Variants in CARMIL1 observed in about 807,000 individuals in gnomAD.
CARMIL1 encodes the protein F-actin-uncapping protein LRRC16A.
CARMIL1 carries 90 observed loss-of-function variants against 177.1 expected under a neutral mutation model. That is an observed-to-expected ratio of 0.51 (90% CI 0.43 to 0.61). The LOEUF (loss-of-function observed/expected upper bound fraction) is 0.61, where lower values mean the gene tolerates loss of function less well. CARMIL1 is among the 20% of genes least tolerant of loss of function. The probability of loss-of-function intolerance (pLI) is 0.00; values close to 1 mark genes in which losing one functional copy is unlikely to be tolerated. For missense variants in CARMIL1, 1,380 were observed against 1,667.0 expected (o/e 0.83, Z 3.00); for synonymous variants, 577 against 606.2 (o/e 0.95, Z 0.71).
At chr6:25,574,900 T>C (rs1812446237) in intron 29 of CARMIL1, among the ~76,000 whole-genome samples, 1 of 152,200 alleles carries the variant, frequency 6.6e-6, no homozygotes, top group Non-Finnish European at 1.5e-5. Flanking sequence ...TCCTTAATAC[T>C]CTCTCTTTGG....
intron 3 of CARMIL1, among the ~76,000 whole-genome samples, chr6:25,423,195 C>A (rs1796000471): frequency 6.6e-6 from 1 of 152,174 alleles, no homozygotes; most frequent in South Asian, 2.1e-4. Context: ...TCTTTGGAAG[C>A]TGATTAATTA....
At chr6:25,359,111 T>C (rs1788926477) in intron 2 of CARMIL1, among the ~76,000 whole-genome samples, 1 of 152,196 alleles carries the variant, frequency 6.6e-6, no homozygotes, top group Non-Finnish European at 1.5e-5. Context: ...CACAGGCTTC[T>C]TGGGTGCTAC....
intron 8 of CARMIL1, among the ~76,000 whole-genome samples, chr6:25,454,162 G>C (rs1799256167): frequency 6.6e-6 from 1 of 152,186 alleles, no homozygotes; most frequent in Non-Finnish European, 1.5e-5. Flanking sequence ...TGAATTAGTG[G>C]GGTAGACCCA....
At chr6:25,305,272 T>G (rs1783175508) in intron 2 of CARMIL1, among the ~76,000 whole-genome samples, 1 of 152,162 alleles carries the variant, frequency 6.6e-6, no homozygotes. Context: ...GTTAATAGTG[T>G]GGGGCTGAAA....
At chr6:25,373,589 C>CTT (rs200205287) in intron 2 of CARMIL1, among the ~76,000 whole-genome samples, 5,777 of 141,310 alleles carry the variant, frequency 0.041, 260 homozygotes, top group East Asian at 0.13. Flanking sequence ...CTCTCTCTCT[C>CTT]TTTTTTTTTT....
At chr6:25,590,523 T>C (rs959655823) in intron 31 of CARMIL1, among the ~76,000 whole-genome samples, 3 of 152,176 alleles carry the variant, frequency 2.0e-5, no homozygotes, top group African/African-American at 7.2e-5. Context: ...CTTTCTTTTC[T>C]CCTATTCTCT....
chr6:25,343,522 TC>T (rs1173214720), intron 2 of CARMIL1, among the ~76,000 whole-genome samples: 1 of 152,060 alleles, frequency 6.6e-6, no homozygotes, highest in African/African-American at 2.4e-5. Context: ...TACTTGACCC[TC>T]AGAAGCAATC....
At chr6:25,319,115 C>T (rs1784494790) in intron 2 of CARMIL1, among the ~76,000 whole-genome samples, 1 of 152,224 alleles carries the variant, frequency 6.6e-6, no homozygotes, top group Middle Eastern at 3.4e-3. Context: ...TGAGGATAGA[C>T]TGTTCTTAAA....
At position 25,449,976 on chromosome 6, in the gene CARMIL1, G is replaced by A. The variant is rs1024848147; in HGVS notation, c.450G>A (p.Val150=). 2 of 1,610,668 alleles carry A rather than the reference G, an allele frequency of 1.2e-6. No individual in the cohort carries two copies. The highest frequency in any genetic ancestry group is 2.7e-5 in the African/African-American group (2 of 74,750). ...AGGCGCTGTGGGACAGCCAGACCGT[G>A]GCTGAGCAGGGCCCCTGTGGTGAGC... ...SLQALWDSQT[V]AEQGPCGGFS... is the part of the protein sequence containing the mutation. Residue 150 remains valine (V), a synonymous_variant, in exon 6 of 37, where the codon GTG becomes GTA. Transcript: ENST00000329474.
intron 2 of CARMIL1, among the ~76,000 whole-genome samples, chr6:25,338,005 A>G (rs1786454234): frequency 6.6e-6 from 1 of 152,076 alleles, no homozygotes; most frequent in Non-Finnish European, 1.5e-5. Flanking sequence ...CCCTTCTTCC[A>G]TAGCACTTTG....
chr6:25,424,432 T>TGGCC (rs967452192), intron 3 of CARMIL1, among the ~76,000 whole-genome samples: 16 of 152,110 alleles, frequency 1.1e-4, no homozygotes, highest in African/African-American at 3.9e-4. Context: ...TGACCAAAGG[T>TGGCC]GGCCATTCCT....
At chr6:25,422,291 A>T (rs1280653595) in intron 3 of CARMIL1, among the ~76,000 whole-genome samples, 2 of 152,168 alleles carry the variant, frequency 1.3e-5, no homozygotes, top group East Asian at 3.9e-4. Context: ...AAAATTTAAC[A>T]TTTAGCCACT....
intron 2 of CARMIL1, among the ~76,000 whole-genome samples, chr6:25,315,757 C>G (rs770312212): frequency 6.6e-6 from 1 of 152,172 alleles, no homozygotes; most frequent in Non-Finnish European, 1.5e-5. Flanking sequence ...TGTTAGTTTT[C>G]CTTTTGCTGT....
Position 25,279,870 on chromosome 6 carries a change from C to G in CARMIL1, c.40+35C>G, listed in dbSNP as rs377466260. On this transcript the variant is annotated intron_variant, in intron 1 of 36. Transcript: ENST00000329474. ...ACGCGGTTGTTGGTTTTCCACCTTC[C>G]TCTGCGTACTCCTCACCTCTCTCTC... 567 of 1,609,370 alleles carry G rather than the reference C, an allele frequency of 3.5e-4. 1 individual carries two copies. The highest frequency in any genetic ancestry group is 4.7e-4 in the Non-Finnish European group (550 of 1,175,774).
intron 29 of CARMIL1, among the ~76,000 whole-genome samples, chr6:25,579,222 A>G (rs960489494): frequency 1.7e-4 from 26 of 150,574 alleles, no homozygotes; most frequent in Admixed American, 4.0e-4. Context: ...ATTTTTGCCT[A>G]TGAATACACT....
intron 24 of CARMIL1, among the ~76,000 whole-genome samples, chr6:25,529,717 C>CGCA (rs1271062479): frequency 4.7e-5 from 2 of 42,482 alleles, no homozygotes; most frequent in African/African-American, 9.0e-5. Context: ...CACTGCAGTC[C>CGCA]GCAGTCCGGC....
In CARMIL1 at chr6:25,379,696, T is replaced by G. The variant is rs539505369; in HGVS notation, c.139-40418T>G. Among the ~76,000 whole-genome samples the G allele has an allele frequency of 4.6e-5, 7 of 152,298 alleles. No homozygotes were observed. The South Asian group carries it at 1.4e-3, about 32-fold the overall frequency. On this transcript the variant is annotated intron_variant, in intron 2 of 36. Coordinates refer to ENST00000329474, the MANE Select transcript of CARMIL1 (RefSeq NM_017640.6). Reference sequence around the variant, plus strand: ...TGAAATGCCTTTGATCTCTTCACATTGCCTTCCTTGAGTCTCCTCAGGGGC... The same window carrying G: ...TGAAATGCCTTTGATCTCTTCACATGGCCTTCCTTGAGTCTCCTCAGGGGC...
intron 6 of CARMIL1, 66 bp downstream of exon 6, chr6:25,450,061 G>A (rs1798636373): frequency 7.6e-7 from 1 of 1,318,758 alleles, no homozygotes; most frequent in South Asian, 1.3e-5. Flanking sequence ...AGGAAGTTAA[G>A]TCTATTCCTA....
chr6:25,477,814 G>T (rs1409172022), intron 11 of CARMIL1, among the ~76,000 whole-genome samples: 1 of 147,558 alleles, frequency 6.8e-6, no homozygotes, highest in Non-Finnish European at 1.5e-5. Flanking sequence ...TATGATTTCA[G>T]CCTTTTCAGA....
Sources: allele counts gnomAD v4.1 joint callset (sites outside exome capture counted in the v4.1 genomes callset), GRCh38; gene constraint gnomAD v4.1.1; transcripts MANE v1.5; gene names NCBI Gene and HGNC (gene_info 2026-07-23, HGNC 2026-07-21).